The following PTPRT variants were observed in gnomAD, a reference collection of about 807,000 sequenced individuals.
PTPRT encodes protein tyrosine phosphatase receptor type T, also known as receptor-type tyrosine-protein phosphatase T.
PTPRT carries 56 observed loss-of-function variants against 176.8 expected under a neutral mutation model. The observed-to-expected ratio is 0.32, with a 90% CI of 0.26 to 0.40. The LOEUF (loss-of-function observed/expected upper bound fraction) is 0.40. Among genes scored for constraint, PTPRT ranks in the 10% least tolerant of loss-of-function variants. The pLI is 1.00. For synonymous variants in PTPRT, 783 were observed against 739.0 expected (o/e 1.06, Z -0.96); for missense variants, 1,540 against 1,908.2 (o/e 0.81, Z 3.60).
intron 16 of PTPRT, among the ~76,000 whole-genome samples, chr20:42,163,288 T>G (rs1031802857): frequency 6.6e-6 from 1 of 152,142 alleles, no homozygotes; most frequent in Admixed American, 6.5e-5. Flanking sequence ...AGACTGTCCT[T>G]TGGGGACCAG....
At chr20:42,772,140 T>G (rs1011642488) in intron 4 of PTPRT, among the ~76,000 whole-genome samples, 2 of 152,118 alleles carry the variant, frequency 1.3e-5, no homozygotes, top group Non-Finnish European at 2.9e-5. Context: ...AGGAAGATGA[T>G]GAGGAAGACA....
rs1173689555 is a variant in PTPRT at position 42,825,230 on chromosome 20, T to C, written c.215-33764A>G. Among the ~76,000 whole-genome samples the C allele has an allele frequency of 4.6e-5, 7 of 152,002 alleles. No individual in the cohort carries two copies. In the South Asian group the frequency reaches 8.3e-4, roughly 18 times the overall value. On this transcript the variant is annotated intron_variant, in intron 2 of 30. Coordinates refer to ENST00000373187, the MANE Select transcript of PTPRT (RefSeq NM_007050.6). ...CACATTAAAATGCCCACACCACCAA[T>C]TGAATAATCCCAATCTAGAAGACAT...
chr20:42,624,669 T>G (rs1428811395), intron 7 of PTPRT, among the ~76,000 whole-genome samples: 1 of 152,128 alleles, frequency 6.6e-6, no homozygotes, highest in Non-Finnish European at 1.5e-5. Flanking sequence ...CCAGGCATGT[T>G]CAGAAATCCA....
chr20:42,941,112 T>G (rs925132163), intron 1 of PTPRT, among the ~76,000 whole-genome samples: 4 of 151,596 alleles, frequency 2.6e-5, no homozygotes, highest in East Asian at 1.9e-4. Flanking sequence ...ATAATAATAA[T>G]AAGACTTCTG....
At chr20:42,361,326 G>A (rs1296759041) in intron 9 of PTPRT, among the ~76,000 whole-genome samples, 2 of 152,186 alleles carry the variant, frequency 1.3e-5, no homozygotes, top group Non-Finnish European at 2.9e-5. Flanking sequence ...ACCTGTGTAA[G>A]TAGAAAGTCC....
intron 11 of PTPRT, among the ~76,000 whole-genome samples, chr20:42,324,243 C>T (rs1454683229): frequency 7.9e-5 from 12 of 152,048 alleles, no homozygotes; most frequent in Non-Finnish European, 2.9e-5. Flanking sequence ...AAACATTATG[C>T]TAAATGAGAG....
At chr20:42,145,013 G>T (rs902550033) in intron 17 of PTPRT, among the ~76,000 whole-genome samples, 2 of 152,158 alleles carry the variant, frequency 1.3e-5, no homozygotes, top group African/African-American at 4.8e-5. Context: ...CAACCTGGGT[G>T]AGTCTTTTCC....
At chr20:42,484,127 C>G (rs1208641879) in intron 7 of PTPRT, among the ~76,000 whole-genome samples, 1 of 152,184 alleles carries the variant, frequency 6.6e-6, no homozygotes, top group Non-Finnish European at 1.5e-5. Context: ...TTCATGTTCT[C>G]TTTTAATGTT....
chr20:42,808,811 G>A (rs955333899), intron 2 of PTPRT, among the ~76,000 whole-genome samples: 5 of 152,172 alleles, frequency 3.3e-5, no homozygotes, highest in Admixed American at 6.5e-5. Flanking sequence ...AGGAAAAGTC[G>A]AGTCTGTAGT....
chr20:42,477,395 T>A (rs73906933), intron 7 of PTPRT, among the ~76,000 whole-genome samples: 1,629 of 149,246 alleles, frequency 0.011, 25 homozygotes, highest in African/African-American at 0.032. Context: ...ATATATATAT[T>A]TTTTTTGCAT....
At chr20:42,057,327 T>C in the PTPRT span, among the ~76,000 whole-genome samples, 1 of 151,784 alleles carries the variant, frequency 6.6e-6, no homozygotes, top group African/African-American at 2.4e-5. Flanking sequence ...GGATGATACA[T>C]GTTATTGGCG....
intron 1 of PTPRT, among the ~76,000 whole-genome samples, chr20:43,056,839 G>A (rs936718087): frequency 6.6e-6 from 1 of 152,156 alleles, no homozygotes; most frequent in African/African-American, 2.4e-5. Flanking sequence ...AGGTTTCTGA[G>A]GGGGAACAAA....
At chr20:42,751,290 C>A (rs758718528) in intron 6 of PTPRT, among the ~76,000 whole-genome samples, 21 of 152,104 alleles carry the variant, frequency 1.4e-4, no homozygotes, top group Non-Finnish European at 2.8e-4. Context: ...TTTGAATGAA[C>A]AATACCAGGA....
chr20:42,604,290 C>T (rs928746894), intron 7 of PTPRT, among the ~76,000 whole-genome samples: 7 of 152,286 alleles, frequency 4.6e-5, no homozygotes, highest in Admixed American at 6.5e-5. Flanking sequence ...GATATTTTGT[C>T]TTCCCCTTCC....
At chr20:42,771,051 C>A (rs2077054996) in intron 5 of PTPRT, among the ~76,000 whole-genome samples, 1 of 152,236 alleles carries the variant, frequency 6.6e-6, no homozygotes, top group Non-Finnish European at 1.5e-5. Context: ...AGGGATAAGA[C>A]AGCATCGTTA....
chr20:42,661,534 G>A (rs755981140), intron 7 of PTPRT, among the ~76,000 whole-genome samples: 1 of 152,154 alleles, frequency 6.6e-6, no homozygotes, highest in Non-Finnish European at 1.5e-5. Flanking sequence ...CACCAGAGTA[G>A]TTATAGTGGC....
intron 7 of PTPRT, among the ~76,000 whole-genome samples, chr20:42,567,129 C>T (rs955816671): frequency 2.6e-5 from 4 of 151,836 alleles, no homozygotes; most frequent in African/African-American, 9.7e-5. Flanking sequence ...AAAAATTAGC[C>T]GGGCATGGTG....
intron 6 of PTPRT, among the ~76,000 whole-genome samples, chr20:42,698,527 A>T (rs550505666): frequency 5.9e-5 from 9 of 152,336 alleles, no homozygotes; most frequent in African/African-American, 2.2e-4. Flanking sequence ...CATGGGTTGC[A>T]CCAGTGGCCT....
intron 15 of PTPRT, among the ~76,000 whole-genome samples, chr20:42,231,842 C>T (rs1205676047): frequency 6.6e-6 from 1 of 152,156 alleles, no homozygotes. Flanking sequence ...TACTGTCTGG[C>T]TCCTTATGGA....
Sources: allele counts gnomAD v4.1 joint callset (sites outside exome capture counted in the v4.1 genomes callset), GRCh38; gene constraint gnomAD v4.1.1; transcripts MANE v1.5; gene names NCBI Gene and HGNC (gene_info 2026-07-23, HGNC 2026-07-21).